KIF13B: variants seen among roughly 807,000 people sequenced by gnomAD.
KIF13B encodes kinesin family member 13B.
A neutral mutation model predicts 222.0 loss-of-function variants in KIF13B; 127 were observed. The observed-to-expected ratio is 0.57, with a 90% CI of 0.50 to 0.66. KIF13B has a LOEUF of 0.66. KIF13B is among the 30% of genes least tolerant of loss of function. KIF13B has a pLI of 0.00. For synonymous variants in KIF13B, 976 were observed against 919.0 expected, an observed-to-expected ratio of 1.06 and a Z score of -1.12; for missense variants, 2,173 against 2,379.0, an observed-to-expected ratio of 0.91 and a Z score of 1.80.
intron 2 of KIF13B, among the ~76,000 whole-genome samples, chr8:29,211,141 T>C (rs897596947): frequency 7.9e-5 from 12 of 152,216 alleles, no homozygotes; most frequent in Admixed American, 7.9e-4. Context: ...AGGGGTCACC[T>C]TCCTCTCGTC....
intron 28 of KIF13B, 31 bp downstream of exon 28, chr8:29,123,335 G>A (rs374852244): frequency 6.2e-7 from 1 of 1,611,372 alleles, no homozygotes; most frequent in African/African-American, 1.3e-5. Context: ...TGAGCGTTCA[G>A]ACCTCACAAG....
At chr8:29,098,998 T>G in intron 36 of KIF13B, 135 bp downstream of exon 36, 1 of 743,180 alleles carries the variant, frequency 1.3e-6, no homozygotes, top group Non-Finnish European at 2.4e-6. Flanking sequence ...ACTCAACCTG[T>G]TAAGAGGAGA....
At chr8:29,107,884 A>G (rs1027295277) in intron 35 of KIF13B, among the ~76,000 whole-genome samples, 1 of 152,208 alleles carries the variant, frequency 6.6e-6, no homozygotes, top group Non-Finnish European at 1.5e-5. Flanking sequence ...TGACAGAAAT[A>G]GGAAGGAAAT....
intron 2 of KIF13B, among the ~76,000 whole-genome samples, chr8:29,218,103 C>T (rs766431110): frequency 1.3e-5 from 2 of 152,110 alleles, no homozygotes; most frequent in Non-Finnish European, 1.5e-5. Flanking sequence ...AAGAGAATTA[C>T]AGTAATTAAG....
At chr8:29,172,150 G>A (rs1230801565) in intron 10 of KIF13B, among the ~76,000 whole-genome samples, 4 of 144,610 alleles carry the variant, frequency 2.8e-5, no homozygotes, top group Non-Finnish European at 3.0e-5. Context: ...GCGTGATCTC[G>A]GCTCACTGCA....
chr8:29,102,192 T>A (rs949927084), intron 35 of KIF13B, among the ~76,000 whole-genome samples: 6 of 152,126 alleles, frequency 3.9e-5, no homozygotes, highest in Admixed American at 1.3e-4. Flanking sequence ...GCAGGAAACC[T>A]CTGGCTCTCT....
chr8:29,221,461 T>C (rs1586945719), intron 2 of KIF13B, among the ~76,000 whole-genome samples: 1 of 146,956 alleles, frequency 6.8e-6, no homozygotes, highest in East Asian at 2.0e-4. Context: ...TGAGACCCTG[T>C]ATTTAAAAAA....
chr8:29,132,445 G>T lies in KIF13B; in HGVS notation c.2805C>A (p.Thr935=). 6.5e-7 allele frequency: 1 copy of T among 1,540,664 alleles called. No individual in the cohort carries two copies. The highest frequency in any genetic ancestry group is 8.8e-7 in the Non-Finnish European group (1 of 1,141,798). ...DHCNEFSVNI[T]EDFIEHLSEG... is the part of the protein sequence containing the mutation. ...CGGAAAGATGCTCGATAAAGTCTTC[G>T]GTGATGTTAACAGAAAACTCCTGAA... The change falls in exon 23 of 40, where the codon ACC becomes ACA. Residue 935 remains threonine (T), a synonymous_variant. Transcript: ENST00000524189.
At chr8:29,128,121 C>T (rs1409322523) in intron 24 of KIF13B, among the ~76,000 whole-genome samples, 1 of 148,354 alleles carries the variant, frequency 6.7e-6, no homozygotes, top group Non-Finnish European at 1.5e-5. Flanking sequence ...ACTGATATAG[C>T]AGTATATATC....
At chr8:29,228,518 C>A (rs977150455) in intron 2 of KIF13B, among the ~76,000 whole-genome samples, 2 of 146,242 alleles carry the variant, frequency 1.4e-5, no homozygotes, top group Non-Finnish European at 3.0e-5. Context: ...ATTCTTAGGA[C>A]AGCAAAGTAT....
At chr8:29,142,632 G>A (rs376102958) in intron 18 of KIF13B, among the ~76,000 whole-genome samples, 95 of 152,238 alleles carry the variant, frequency 6.2e-4, no homozygotes, top group African/African-American at 1.9e-3. Flanking sequence ...TTGAGGTCAG[G>A]AGTTCAAGAC....
At chr8:29,144,830 C>T (rs1055304385) in intron 18 of KIF13B, among the ~76,000 whole-genome samples, 1 of 152,172 alleles carries the variant, frequency 6.6e-6, no homozygotes, top group Non-Finnish European at 1.5e-5. Flanking sequence ...GTCTGTTGCA[C>T]GAAAGACTAC....
intron 12 of KIF13B, among the ~76,000 whole-genome samples, 159 bp from the exon 13 acceptor site, chr8:29,161,026 A>G (rs147842787): frequency 2.6e-5 from 4 of 152,338 alleles, no homozygotes; most frequent in African/African-American, 9.6e-5. Context: ...TTCTCTTTCC[A>G]AACTATATGA....
chr8:29,144,178 C>T (rs1810949666), intron 18 of KIF13B, among the ~76,000 whole-genome samples: 1 of 152,084 alleles, frequency 6.6e-6, no homozygotes, highest in South Asian at 2.1e-4. Context: ...GTTTCATTAA[C>T]ATCTTGCCTA....
chr8:29,132,658 G>A (rs190707206), intron 22 of KIF13B, among the ~76,000 whole-genome samples, 193 bp from the exon 23 acceptor site: 76 of 152,272 alleles, frequency 5.0e-4, no homozygotes, highest in African/African-American at 1.8e-3. Context: ...TTAAACATAA[G>A]TATAAATCGG....
At chr8:29,132,233 G>A in intron 23 of KIF13B, 75 bp downstream of exon 23, 1 of 1,159,592 alleles carries the variant, frequency 8.6e-7, no homozygotes, top group Non-Finnish European at 1.1e-6. Flanking sequence ...GTGACAGAGT[G>A]AATGAGACTG....
At chr8:29,141,645 C>T (rs1443632678) in intron 19 of KIF13B, among the ~76,000 whole-genome samples, 3 of 152,058 alleles carry the variant, frequency 2.0e-5, no homozygotes, top group Non-Finnish European at 4.4e-5. Flanking sequence ...AGTAAGAAAA[C>T]CTGCAAGTTA....
chr8:29,073,068 C>G lies in KIF13B; in HGVS notation c.4522-752G>C, dbSNP rs891178227. ...CATCCCGAGCAAGGCAGCAGGGGGA[C>G]GAGGAGGGGTACGAGGAGGGGTATG... On this transcript the variant is annotated intron_variant, in intron 38 of 39. Coordinates refer to ENST00000524189, the MANE Select transcript of KIF13B (RefSeq NM_015254.4). Among the ~76,000 whole-genome samples the G allele has an allele frequency of 4.3e-5, 6 of 139,768 alleles. No homozygotes were observed. In the South Asian group the frequency reaches 1.5e-3, roughly 35 times the overall value. The allele number at this position is 139,768 out of a possible 152,430, so 91.7% of individuals were successfully genotyped here. A position where few individuals can be genotyped will look rare whatever the true frequency, so the allele number is the denominator to read the frequency against.
intron 1 of KIF13B, among the ~76,000 whole-genome samples, chr8:29,260,654 T>G (rs930987825): frequency 2.6e-5 from 4 of 151,756 alleles, no homozygotes; most frequent in African/African-American, 9.7e-5. Flanking sequence ...TTCACTCTTG[T>G]CGCCCAGGGT....
Sources: gnomAD v4.1 joint callset for allele counts (sites outside exome capture counted in the v4.1 genomes callset) on GRCh38, gnomAD v4.1.1 for gene constraint, MANE v1.5 for transcripts, NCBI Gene and HGNC (gene_info 2026-07-23, HGNC 2026-07-21) for gene names.